Variants in CCDC85A observed in about 807,000 individuals in gnomAD.
CCDC85A encodes the protein coiled-coil domain-containing protein 85A.
A neutral mutation model predicts 50.2 loss-of-function variants in CCDC85A; 38 were observed. The ratio of observed to expected loss-of-function variants is 0.76; its 90% CI spans 0.58 to 0.99. CCDC85A has a LOEUF of 0.99. CCDC85A is among the 50% of genes least tolerant of loss of function. The pLI, the probability that CCDC85A is intolerant of heterozygous loss-of-function variation, is 0.00. For synonymous variants in CCDC85A, 366 were observed against 301.4 expected (o/e 1.21, Z -2.22); for missense variants, 820 against 742.0 (o/e 1.11, Z -1.22).
At chr2:56,322,163 A>C (rs577300748) in intron 2 of CCDC85A, among the ~76,000 whole-genome samples, 36 of 152,352 alleles carry the variant, frequency 2.4e-4, no homozygotes, top group African/African-American at 7.9e-4. Flanking sequence ...TAAAGACTTA[A>C]ATGTTAGACC....
chr2:56,184,382 G>C lies in CCDC85A; in HGVS notation c.-243G>C. 2.0e-6 allele frequency: 1 copy of C among 490,068 alleles called. No homozygotes were observed. The highest frequency in any genetic ancestry group is 3.0e-6 in the Non-Finnish European group (1 of 331,458). 30.4% of individuals were successfully genotyped at this position (490,068 alleles called of 1,614,324 possible). ...ATGGACTTGCGCGGAGTTGGGACGG[G>C]CCTCGGCAGCAGCAAGCGGCTGGCT... On this transcript the variant is annotated 5_prime_UTR_variant, in exon 1 of 6. Transcript: ENST00000407595.
At chr2:56,238,567 T>C (rs1669123649) in intron 2 of CCDC85A, among the ~76,000 whole-genome samples, 1 of 152,170 alleles carries the variant, frequency 6.6e-6, no homozygotes, top group Non-Finnish European at 1.5e-5. Flanking sequence ...TTGGACATTG[T>C]ACAGATCAAA....
intron 2 of CCDC85A, among the ~76,000 whole-genome samples, chr2:56,248,142 A>G (rs1318041950): frequency 6.6e-6 from 1 of 152,234 alleles, no homozygotes; most frequent in Non-Finnish European, 1.5e-5. Context: ...AAGTTAGGAT[A>G]TGTCATTGTG....
At chr2:56,367,303 T>C (rs940579482) in intron 3 of CCDC85A, among the ~76,000 whole-genome samples, 1 of 152,128 alleles carries the variant, frequency 6.6e-6, no homozygotes, top group African/African-American at 2.4e-5. Flanking sequence ...TTTATTGGAG[T>C]AATTTCTTAT....
chr2:56,262,353 G>T (rs1335813553), intron 2 of CCDC85A, among the ~76,000 whole-genome samples: 1 of 152,146 alleles, frequency 6.6e-6, no homozygotes, highest in Admixed American at 6.5e-5. Context: ...GAATAATAAG[G>T]TTCATGCATA....
intron 2 of CCDC85A, among the ~76,000 whole-genome samples, chr2:56,289,488 G>A (rs1243110796): frequency 1.3e-5 from 2 of 152,116 alleles, no homozygotes; most frequent in African/African-American, 2.4e-5. Flanking sequence ...TGATATGGGT[G>A]GTAGAAGGAC....
chr2:56,301,876 T>A (rs1198653217), intron 2 of CCDC85A, among the ~76,000 whole-genome samples: 1 of 152,158 alleles, frequency 6.6e-6, no homozygotes, highest in Non-Finnish European at 1.5e-5. Context: ...AAAACCTGGA[T>A]GGCAAACCAC....
At position 56,384,456 on chromosome 2, in the gene CCDC85A, A is replaced by G; in HGVS notation, c.*101A>G. 2 of 963,074 alleles carry G rather than the reference A, an allele frequency of 2.1e-6. No individual in the cohort carries two copies. Among genetic ancestry groups the G allele is most frequent in the Admixed American group, 3.9e-5 (2 of 51,490 alleles). 59.7% of individuals were successfully genotyped at this position (963,074 alleles called of 1,614,324 possible). A position where few individuals can be genotyped will look rare whatever the true frequency, so the allele number is the denominator to read the frequency against. On this transcript the variant is annotated 3_prime_UTR_variant, in exon 6 of 6. Coordinates refer to ENST00000407595, the MANE Select transcript of CCDC85A (RefSeq NM_001080433.2). ...GTTTCCACAAACCTGGACTCATGGA[A>G]TAACATGGAGTGATTGTACATTGCA...
intron 2 of CCDC85A, among the ~76,000 whole-genome samples, chr2:56,304,439 G>A (rs896545945): frequency 6.6e-6 from 1 of 152,100 alleles, no homozygotes; most frequent in African/African-American, 2.4e-5. Flanking sequence ...CTCTAGGACT[G>A]GTGTATTTAT....
At chr2:56,204,333 G>A (rs1162135821) in intron 2 of CCDC85A, among the ~76,000 whole-genome samples, 5 of 152,174 alleles carry the variant, frequency 3.3e-5, no homozygotes, top group African/African-American at 1.2e-4. Flanking sequence ...ATATAATGAA[G>A]TGTTCAGATT....
At chr2:56,261,040 A>G (rs1036126086) in intron 2 of CCDC85A, among the ~76,000 whole-genome samples, 1 of 152,222 alleles carries the variant, frequency 6.6e-6, no homozygotes, top group Non-Finnish European at 1.5e-5. Context: ...AATGAAGTTG[A>G]CATAGTACTG....
At chr2:56,254,986 G>A (rs982464596) in intron 2 of CCDC85A, among the ~76,000 whole-genome samples, 1 of 152,190 alleles carries the variant, frequency 6.6e-6, no homozygotes, top group Admixed American at 6.5e-5. Context: ...GAATGATGTA[G>A]CTTGGTGAGG....
In CCDC85A at chr2:56,283,187, C is replaced by T. The variant is rs115013614; in HGVS notation, c.1241-59692C>T. On this transcript the variant is annotated intron_variant, in intron 2 of 5. Transcript: ENST00000407595. Reference sequence around the variant, plus strand: ...ATACTCAGAACTCAAATGCTATACTCGGTAGAAGTACTCTACTCATCTACT... The same window carrying T: ...ATACTCAGAACTCAAATGCTATACTTGGTAGAAGTACTCTACTCATCTACT... Among the ~76,000 whole-genome samples the T allele has an allele frequency of 7.4e-3, 1,130 of 152,252 alleles. 13 individuals carry two copies. The highest frequency in any genetic ancestry group is 0.026 in the African/African-American group (1,064 of 41,556).
intron 2 of CCDC85A, among the ~76,000 whole-genome samples, chr2:56,234,130 C>G (rs546993108): frequency 1.3e-5 from 2 of 152,282 alleles, no homozygotes; most frequent in South Asian, 4.1e-4. Context: ...TAGAGGATAT[C>G]TGTCCATGTA....
intron 2 of CCDC85A, among the ~76,000 whole-genome samples, chr2:56,217,065 C>G (rs1047372986): frequency 1.3e-5 from 2 of 151,868 alleles, no homozygotes; most frequent in Non-Finnish European, 2.9e-5. Flanking sequence ...ATCTCATGGT[C>G]TTGCTGCTTT....
intron 2 of CCDC85A, among the ~76,000 whole-genome samples, chr2:56,211,948 C>T (rs556521698): frequency 6.6e-6 from 1 of 152,052 alleles, no homozygotes; most frequent in African/African-American, 2.4e-5. Context: ...AACAAGCCAG[C>T]AGTGCCATCT....
At chr2:56,261,203 C>A (rs566261468) in intron 2 of CCDC85A, among the ~76,000 whole-genome samples, 2 of 152,166 alleles carry the variant, frequency 1.3e-5, no homozygotes, top group African/African-American at 4.8e-5. Context: ...AAAGAAACTG[C>A]GGTAGCACTT....
At chr2:56,228,360 A>T (rs1363050361) in intron 2 of CCDC85A, among the ~76,000 whole-genome samples, 1 of 151,742 alleles carries the variant, frequency 6.6e-6, no homozygotes, top group Non-Finnish European at 1.5e-5. Context: ...TGAGGATAAT[A>T]ATAGTACCCA....
chr2:56,370,417 T>C (rs1235500460), intron 3 of CCDC85A, among the ~76,000 whole-genome samples: 2 of 152,068 alleles, frequency 1.3e-5, no homozygotes, highest in Non-Finnish European at 2.9e-5. Context: ...TAAAAAAATA[T>C]ATATGCTGAC....
Sources: gnomAD v4.1 joint callset for allele counts (sites outside exome capture counted in the v4.1 genomes callset) on GRCh38, gnomAD v4.1.1 for gene constraint, MANE v1.5 for transcripts, NCBI Gene and HGNC (gene_info 2026-07-23, HGNC 2026-07-21) for gene names.